The following MGRN1 variants were observed in gnomAD, a reference collection of about 807,000 sequenced individuals.
MGRN1 encodes mahogunin ring finger 1.
MGRN1 carries 29 observed loss-of-function variants against 69.2 expected under a neutral mutation model. That is an observed-to-expected ratio of 0.42 (90% CI 0.31 to 0.57). The LOEUF (loss-of-function observed/expected upper bound fraction) is 0.57, where lower values mean the gene tolerates loss of function less well. Among genes scored for constraint, MGRN1 ranks in the 20% least tolerant of loss-of-function variants. The pLI is 0.15. For missense variants in MGRN1, 998 were observed against 796.2 expected (o/e 1.25, Z -3.05); for synonymous variants, 470 against 344.2 (o/e 1.37, Z -4.04).
chr16:4,650,597 C>A, intron 2 of MGRN1, 114 bp downstream of exon 2: 2 of 802,970 alleles, frequency 2.5e-6, no homozygotes, highest in African/African-American at 1.8e-5. Context: ...CTAAAGGGGG[C>A]AGAGCTCCTG....
intron 1 of MGRN1, among the ~76,000 whole-genome samples, chr16:4,629,148 G>GTA (rs753735380): frequency 0.027 from 2,357 of 87,180 alleles, 62 homozygotes; most frequent in African/African-American, 0.096. Flanking sequence ...CTTTCTGTTC[G>GTA]TATGTGTGTG....
chr16:4,632,174 G>A (rs984373486), intron 1 of MGRN1, among the ~76,000 whole-genome samples: 4 of 131,898 alleles, frequency 3.0e-5, no homozygotes, highest in African/African-American at 8.8e-5. Context: ...ATGCCACCAC[G>A]CCCAGCTAAT....
intron 1 of MGRN1, chr16:4,649,162 C>G (rs995978756): frequency 6.6e-6 from 1 of 152,446 alleles, no homozygotes; most frequent in African/African-American, 2.4e-5. Flanking sequence ...CGCCCTCACG[C>G]GGGAGTCAGA....
At position 4,686,514 on chromosome 16, in the gene MGRN1, C is replaced by T. The variant is rs773731552; in HGVS notation, c.1619-2282C>T. 32 of 1,373,656 alleles carry T rather than the reference C, an allele frequency of 2.3e-5. No homozygotes were observed. The African/African-American group carries it at 2.5e-4, about 11-fold the overall frequency. The allele number at this position is 1,373,656 out of a possible 1,614,324, so 85.1% of individuals were successfully genotyped here. ...TGGCCTCCTGGGGGGTCCTGACTTT[C>T]GGGGCCAGAGGTCTCTCCATCTGGA... On this transcript the variant is annotated intron_variant, in intron 16 of 16. Transcript: ENST00000262370.
At chr16:4,629,264 G>T (rs1897869962) in intron 1 of MGRN1, among the ~76,000 whole-genome samples, 2 of 151,960 alleles carry the variant, frequency 1.3e-5, no homozygotes. Flanking sequence ...TTGTAACAAA[G>T]AGTTCTTTAT....
chr16:4,627,802 T>C (rs527996658), intron 1 of MGRN1, among the ~76,000 whole-genome samples: 206 of 119,160 alleles, frequency 1.7e-3, no homozygotes, highest in East Asian at 5.1e-3. Flanking sequence ...AAAAAAAGGC[T>C]GGGCGCGGTG....
intron 1 of MGRN1, chr16:4,634,535 A>G (rs1456926128): frequency 6.6e-6 from 1 of 152,520 alleles, no homozygotes. Context: ...CCATCCCTGC[A>G]GTGCCTGACT....
intron 5 of MGRN1, among the ~76,000 whole-genome samples, chr16:4,661,097 C>T (rs1397202046): frequency 6.6e-6 from 1 of 152,010 alleles, no homozygotes; most frequent in Non-Finnish European, 1.5e-5. Flanking sequence ...CCTCTCACCT[C>T]AACTTTCACA....
intron 16 of MGRN1, chr16:4,687,825 G>A (rs555093427): frequency 4.6e-5 from 45 of 985,416 alleles, no homozygotes; most frequent in African/African-American, 1.0e-4. Context: ...GGAGAACTTC[G>A]CTTCTTTTGA....
At position 4,682,989 on chromosome 16, in the gene MGRN1, G is replaced by T. The variant is rs137873490; in HGVS notation, c.1482+43G>T. ...AAGCTTTGCGCACCCGCCCGGGCCA[G>T]CCCTCCTCCAGCTTCTGTCGCTGGA... On this transcript the variant is annotated intron_variant, in intron 14 of 16. Coordinates refer to ENST00000262370, the MANE Select transcript of MGRN1 (RefSeq NM_015246.4). 34,260 of 1,502,920 alleles carry T rather than the reference G, an allele frequency of 0.023. 453 individuals carry two copies. Among genetic ancestry groups the T allele is most frequent in the African/African-American group, 0.028 (1,991 of 71,366 alleles). 93.1% of individuals were successfully genotyped at this position (1,502,920 alleles called of 1,614,324 possible).
At chr16:4,643,595 A>G (rs61636467) in intron 1 of MGRN1, among the ~76,000 whole-genome samples, 6,425 of 150,246 alleles carry the variant, frequency 0.043, 466 homozygotes, top group African/African-American at 0.15. Flanking sequence ...GATGGTCTCC[A>G]TCTCCTGACC....
chr16:4,659,911 G>T (rs914105670), intron 5 of MGRN1, among the ~76,000 whole-genome samples: 1 of 152,220 alleles, frequency 6.6e-6, no homozygotes, highest in Non-Finnish European at 1.5e-5. Context: ...CTGCTCCAGC[G>T]CGTGGCCATC....
intron 16 of MGRN1, among the ~76,000 whole-genome samples, chr16:4,684,629 G>A (rs555497204): frequency 1.1e-4 from 16 of 152,368 alleles, no homozygotes; most frequent in South Asian, 2.1e-4. Context: ...CCGGAGGCTC[G>A]GGCCCCAGAC....
intron 16 of MGRN1, chr16:4,687,773 C>A: frequency 1.0e-6 from 1 of 985,458 alleles, no homozygotes; most frequent in Non-Finnish European, 1.2e-6. Context: ...GGTGCAGGCT[C>A]TAAGAGGCCC....
intron 1 of MGRN1, chr16:4,649,200 G>A (rs2078347681): frequency 6.6e-6 from 1 of 152,388 alleles, no homozygotes; most frequent in African/African-American, 2.4e-5. Context: ...GATCCACAGA[G>A]ACTTCTAAAC....
rs181090614 is a variant in MGRN1 at position 4,649,187 on chromosome 16, C to T, written c.89-1178C>T. The T allele has an allele frequency of 3.3e-5, 5 of 152,528 alleles. No individual in the cohort carries two copies. The East Asian group carries it at 7.7e-4, about 24-fold the overall frequency. 9.4% of individuals were successfully genotyped at this position (152,528 alleles called of 1,614,324 possible). A position where few individuals can be genotyped will look rare whatever the true frequency, so the allele number is the denominator to read the frequency against. On this transcript the variant is annotated intron_variant, in intron 1 of 16. Coordinates refer to ENST00000262370, the MANE Select transcript of MGRN1 (RefSeq NM_015246.4). The stretch of plus-strand genomic sequence containing the variant: ...CGGGAGTCAGACTGAACGAACTAGC[C>T]CAGATCCACAGAGACTTCTAAACCC...
At chr16:4,662,532 C>T (rs930927582) in intron 5 of MGRN1, among the ~76,000 whole-genome samples, 12 of 151,560 alleles carry the variant, frequency 7.9e-5, no homozygotes, top group African/African-American at 2.9e-4. Flanking sequence ...AAAAAAAAAT[C>T]ATAATAGTAA....
rs1048411859 is a variant in MGRN1 at position 4,689,412 on chromosome 16, G to C, written c.*504G>C. 6.5e-6 allele frequency: 1 copy of C among 153,920 alleles called. No homozygotes were observed. Among genetic ancestry groups the C allele is most frequent in the Non-Finnish European group, 1.5e-5 (1 of 68,916 alleles). 9.5% of individuals were successfully genotyped at this position (153,920 alleles called of 1,614,324 possible). On this transcript the variant is annotated 3_prime_UTR_variant, in exon 17 of 17. Transcript: ENST00000262370. Reference sequence around the variant, plus strand: ...TGCGTGTCACTGTGGCGGCCTGGCTGTCGCTGCTTTTTGTCCTCTGCCGTG... The same window carrying C: ...TGCGTGTCACTGTGGCGGCCTGGCTCTCGCTGCTTTTTGTCCTCTGCCGTG...
At chr16:4,627,182 G>C (rs190476106) in intron 1 of MGRN1, among the ~76,000 whole-genome samples, 1 of 152,308 alleles carries the variant, frequency 6.6e-6, no homozygotes, top group African/African-American at 2.4e-5. Flanking sequence ...GATTTTAGGG[G>C]TTGCCCCCAT....
Sources: allele counts gnomAD v4.1 joint callset (sites outside exome capture counted in the v4.1 genomes callset), GRCh38; gene constraint gnomAD v4.1.1; transcripts MANE v1.5; gene names NCBI Gene and HGNC (gene_info 2026-07-23, HGNC 2026-07-21).